ITGA4: variants seen among roughly 807,000 people sequenced by gnomAD.
The protein encoded by ITGA4 is integrin subunit alpha 4, also known as integrin alpha-4.
ITGA4 carries 63 observed loss-of-function variants against 133.6 expected under a neutral mutation model. The observed-to-expected ratio is 0.47, with a 90% CI of 0.38 to 0.58. ITGA4 has a LOEUF of 0.58. Among genes scored for constraint, ITGA4 ranks in the 20% least tolerant of loss-of-function variants. The probability of loss-of-function intolerance (pLI) is 0.00; values close to 1 mark genes in which losing one functional copy is unlikely to be tolerated. For synonymous variants in ITGA4, 483 were observed against 438.0 expected, an observed-to-expected ratio of 1.10 and a Z score of -1.28; for missense variants, 1,076 against 1,252.7, an observed-to-expected ratio of 0.86 and a Z score of 2.13.
chr2:181,538,777 T>C lies in ITGA4; in HGVS notation c.*3250T>C, dbSNP rs915511146. 5.7e-4 allele frequency among the ~76,000 whole-genome samples: 87 copies of C among 152,300 alleles called. No individual in the cohort carries two copies. The highest frequency in any genetic ancestry group is 2.0e-3 in the African/African-American group (84 of 41,574). On this transcript the variant is annotated 3_prime_UTR_variant, in exon 28 of 28. Transcript: ENST00000397033. ...GATGGCTCCACTAAAAGATTTAAGA[T>C]CTTGATCCATTTTTAAAAATCCAAA...
At chr2:181,508,021 ATT>A (rs74700111) in intron 15 of ITGA4, among the ~76,000 whole-genome samples, 2 of 151,952 alleles carry the variant, frequency 1.3e-5, no homozygotes, top group Non-Finnish European at 2.9e-5. Context: ...ATAATGTGGA[ATT>A]TTTTTAATGA....
chr2:181,457,804 G>C lies in ITGA4; in HGVS notation c.150G>C (p.Thr50=). 1 of 1,613,724 alleles carries C rather than the reference G, an allele frequency of 6.2e-7. No homozygotes were observed. Among genetic ancestry groups the C allele is most frequent in the Non-Finnish European group, 8.5e-7 (1 of 1,179,988 alleles). The part of the protein sequence containing the change: ...SALLYQGPHN[T]LFGYSVVLHS... ...TGCTTTACCAGGGCCCCCACAACAC[G>C]CTGTTCGGCTACTCGGTCGTGCTGC... The change falls in exon 1 of 28, where the codon ACG becomes ACC. Residue 50 remains threonine (T), a synonymous_variant. Transcript: ENST00000397033.
chr2:181,522,152 T>G (rs777842993), intron 17 of ITGA4, 39 bp from the exon 18 acceptor site: 2 of 1,304,180 alleles, frequency 1.5e-6, no homozygotes, highest in African/African-American at 1.5e-5. Flanking sequence ...GGATTTTTAT[T>G]TCCTAAACAA....
At position 181,482,417 on chromosome 2, in the gene ITGA4, A is replaced by G. The variant is rs1685827114; in HGVS notation, c.898A>G (p.Lys300Glu). Residue 300 changes from lysine to glutamate, a missense_variant, in exon 8 of 28, where the codon AAA becomes GAA. Around this residue, in one of 4 missense-constraint regions of ITGA4, gnomAD observed 436 missense variants for 590.7 expected, o/e 0.74. Coordinates refer to ENST00000397033, the MANE Select transcript of ITGA4 (RefSeq NM_000885.6). ...AAATATCTTACATGAAATGAAAGGT[A>G]AAAAGGTAATATGTCTCTACCTTTA... is the stretch of plus-strand genomic sequence containing the variant. The part of the protein sequence containing the change: ...ELNILHEMKG[K>E]KLGSYFGASV... 5 of 1,613,148 alleles carry G rather than the reference A, an allele frequency of 3.1e-6. No homozygotes were observed. In the African/African-American group the frequency reaches 4.0e-5, roughly 13 times the overall value.
chr2:181,512,559 G>T (rs1227263935), intron 17 of ITGA4, among the ~76,000 whole-genome samples: 1 of 152,068 alleles, frequency 6.6e-6, no homozygotes, highest in South Asian at 2.1e-4. Context: ...AGAATGGGGA[G>T]TCCCTGTAGG....
intron 16 of ITGA4, 48 bp downstream of exon 16, chr2:181,509,855 AT>A: frequency 1.4e-6 from 2 of 1,393,384 alleles, no homozygotes; most frequent in Non-Finnish European, 2.0e-6. Context: ...ATTTAACTAA[AT>A]TTTTAAAATA....
chr2:181,520,037 A>C (rs1473795373), intron 17 of ITGA4, among the ~76,000 whole-genome samples: 3 of 152,116 alleles, frequency 2.0e-5, no homozygotes, highest in Non-Finnish European at 4.4e-5. Flanking sequence ...CCCCAAGGCA[A>C]ATTAGTCTAG....
At chr2:181,521,838 GAAAAGA>G (rs1433991819) in intron 17 of ITGA4, among the ~76,000 whole-genome samples, 2 of 151,998 alleles carry the variant, frequency 1.3e-5, no homozygotes, top group East Asian at 3.9e-4. Context: ...TTGCAAGAAA[GAAAAGA>G]AAAACTGCTT....
At chr2:181,484,218 A>G (rs1685864991) in intron 9 of ITGA4, among the ~76,000 whole-genome samples, 1 of 152,172 alleles carries the variant, frequency 6.6e-6, no homozygotes, top group Admixed American at 6.6e-5. Flanking sequence ...AGGGCTTGGA[A>G]GAGTCCTAGA....
intron 18 of ITGA4, among the ~76,000 whole-genome samples, chr2:181,522,927 C>A (rs1377677984): frequency 6.6e-6 from 1 of 152,128 alleles, no homozygotes; most frequent in African/African-American, 2.4e-5. Flanking sequence ...GCAATTATAA[C>A]CTCATTACAC....
intron 9 of ITGA4, among the ~76,000 whole-genome samples, chr2:181,485,315 GT>G (rs1343300302): frequency 1.3e-5 from 2 of 151,982 alleles, no homozygotes; most frequent in Admixed American, 6.6e-5. Context: ...TTTGCTGCTA[GT>G]TTTCTCTGTA....
At chr2:181,469,903 C>T (rs1035027412) in intron 2 of ITGA4, among the ~76,000 whole-genome samples, 46 of 141,238 alleles carry the variant, frequency 3.3e-4, no homozygotes, top group African/African-American at 7.8e-4. Flanking sequence ...CATCACACAC[C>T]GGGGCCTGTC....
At chr2:181,518,636 A>C (rs1351818373) in intron 17 of ITGA4, among the ~76,000 whole-genome samples, 1 of 152,004 alleles carries the variant, frequency 6.6e-6, no homozygotes, top group Non-Finnish European at 1.5e-5. Flanking sequence ...TGTGGGACAG[A>C]GATCTCTGTC....
At chr2:181,474,529 G>A (rs1685630433) in intron 2 of ITGA4, among the ~76,000 whole-genome samples, 1 of 152,192 alleles carries the variant, frequency 6.6e-6, no homozygotes, top group Non-Finnish European at 1.5e-5. Context: ...TGCTGAGGAT[G>A]TATTATAGTC....
In ITGA4 at chr2:181,516,329, T is replaced by A. The variant is rs1686606861; in HGVS notation, c.1922+4554T>A. Among the ~76,000 whole-genome samples, 1 of 152,172 alleles carries A rather than the reference T, an allele frequency of 6.6e-6. No homozygotes were observed. The highest frequency in any genetic ancestry group is 1.9e-4 in the East Asian group (1 of 5,164). On this transcript the variant is annotated intron_variant, in intron 17 of 27. Transcript: ENST00000397033. This position sits in a 1 kb window ranked among gnomAD's most constrained non-coding sequence, Gnocchi z 4.0. ...AATTAACTAATAGTGACTTAAACAA[T>A]AAAGATATTATTTCGCATAATAAGC...
In ITGA4 at chr2:181,495,434, C is replaced by A. The variant is rs113910166; in HGVS notation, c.1385+18C>A. The A allele has an allele frequency of 6.2e-4, 983 of 1,583,294 alleles. 7 individuals are homozygous for A. In the African/African-American group the frequency reaches 9.2e-3, roughly 15 times the overall value. On this transcript the variant is annotated intron_variant, in intron 13 of 27. Coordinates refer to ENST00000397033, the MANE Select transcript of ITGA4 (RefSeq NM_000885.6). The surrounding 1 kb of genome is among the most constrained non-coding windows in gnomAD (Gnocchi z 4.3). ...TTGCTAAGGTAAGACTGATATATTT[C>A]ACTGCTTAATTGCAATTTGGTTTAA... is the stretch of plus-strand genomic sequence containing the variant.
rs1687040060 is a variant in ITGA4, at chr2:181,535,361, T to TTAGAAATGAGTATAG, written c.3004-66_3004-52dup. 44 of 1,180,108 alleles carry TTAGAAATGAGTATAG rather than the reference T, an allele frequency of 3.7e-5. No homozygotes were observed. In the South Asian group the frequency reaches 7.4e-4, roughly 20 times the overall value. The allele number at this position is 1,180,108 out of a possible 1,614,324, so 73.1% of individuals were successfully genotyped here. On this transcript the variant is annotated intron_variant, in intron 27 of 27. Coordinates refer to ENST00000397033, the MANE Select transcript of ITGA4 (RefSeq NM_000885.6). The stretch of plus-strand genomic sequence containing the variant: ...AATATTGGTGTTAACTGCTTAGATA[T>TTAGAAATGAGTATAG]TAGAAATGAGTATAGTAGATAAGAG...
intron 10 of ITGA4, among the ~76,000 whole-genome samples, chr2:181,491,767 C>G (rs1291392892): frequency 6.6e-6 from 1 of 152,168 alleles, no homozygotes; most frequent in African/African-American, 2.4e-5. Context: ...TCCTCCTCCT[C>G]CTCTTTCTCT....
Position 181,538,475 on chromosome 2 carries a change from C to A in ITGA4, c.*2948C>A, listed in dbSNP as rs1687315035. ...TTGATTGTCCAATGCTCTCCATTAC[C>A]TCTGTAAAACAGTCAGTTATGCCTC... On this transcript the variant is annotated 3_prime_UTR_variant, in exon 28 of 28. Transcript: ENST00000397033. Among the ~76,000 whole-genome samples the A allele has an allele frequency of 6.6e-6, 1 of 152,096 alleles. No homozygotes were observed. Among genetic ancestry groups the A allele is most frequent in the South Asian group, 2.1e-4 (1 of 4,832 alleles).
Sources: allele counts gnomAD v4.1 joint callset (sites outside exome capture counted in the v4.1 genomes callset), GRCh38; gene constraint gnomAD v4.1.1; regional missense constraint gnomAD v4.1.1; non-coding constraint Gnocchi (gnomAD v3.1); transcripts MANE v1.5; gene names NCBI Gene and HGNC (gene_info 2026-07-23, HGNC 2026-07-21).